The following MYH11 variants were observed in gnomAD, a reference collection of about 807,000 sequenced individuals.
MYH11 encodes myosin-11.
A neutral mutation model predicts 246.6 loss-of-function variants in MYH11; 80 were observed. That is an observed-to-expected ratio of 0.32 (90% CI 0.27 to 0.39). The LOEUF is 0.39. Ranked by LOEUF, MYH11 falls within the 10% of genes least tolerant of loss-of-function variation. The pLI is 1.00. For missense variants in MYH11, 2,158 were observed against 2,546.8 expected (o/e 0.85, Z 3.29); for synonymous variants, 1,071 against 1,015.5 (o/e 1.05, Z -1.04).
chr16:15,735,744 T>G (rs1230038820), intron 25 of MYH11, among the ~76,000 whole-genome samples, 166 bp from the exon 26 acceptor site: 1 of 152,180 alleles, frequency 6.6e-6, no homozygotes, highest in Non-Finnish European at 1.5e-5. Flanking sequence ...CTATATGAGA[T>G]TAACATAGGA....
intron 14 of MYH11, among the ~76,000 whole-genome samples, chr16:15,754,700 G>A (rs1479746563): frequency 6.6e-6 from 1 of 152,298 alleles, no homozygotes; most frequent in South Asian, 2.1e-4. Context: ...GTGGTTCTCT[G>A]TTGCCCAGTC....
At chr16:15,725,325 C>A in intron 28 of MYH11, 3 of 562,644 alleles carry the variant, frequency 5.3e-6, no homozygotes, top group South Asian at 4.4e-5. Context: ...TTGGTAGAGA[C>A]AAAGCAGCAG....
rs1277948896 is a variant in MYH11, at chr16:15,737,453, C to T, written c.3289G>A (p.Ala1097Thr). 5 of 1,612,282 alleles carry T rather than the reference C, an allele frequency of 3.1e-6. No homozygotes were observed. Among genetic ancestry groups the T allele is most frequent in the African/African-American group, 2.7e-5 (2 of 74,922 alleles). The change falls in exon 25 of 41, where the codon GCC (alanine) becomes ACC (threonine). Residue 1097 changes from alanine to threonine, a missense_variant. By Grantham distance (58) the Ala-to-Thr change is moderately conservative. This residue lies in a region of MYH11 where 284 missense variants were observed against 315.4 expected (regional missense o/e 0.90). Transcript: ENST00000300036. ...GCCCCTTGCCAGCCCCGCTACCTGG[C>T]CAGGGCCGCCTGCAGCTCCTCCTCC... is the stretch of plus-strand genomic sequence containing the variant. ...KKEEELQAAL[A>T]RLDDEIAQKN...
chr16:15,816,692 T>G (rs935476264), intron 3 of MYH11, among the ~76,000 whole-genome samples: 1 of 152,024 alleles, frequency 6.6e-6, no homozygotes, highest in Non-Finnish European at 1.5e-5. Flanking sequence ...AATTTCATCT[T>G]TCATGGAGGA....
At chr16:15,846,183 T>TGGGC (rs1394405035) in intron 1 of MYH11, among the ~76,000 whole-genome samples, 2 of 152,006 alleles carry the variant, frequency 1.3e-5, no homozygotes, top group South Asian at 2.1e-4. Flanking sequence ...ATAAGGTGGG[T>TGGGC]GGGCTTGTCA....
intron 5 of MYH11, among the ~76,000 whole-genome samples, chr16:15,784,174 G>A (rs1375264083): frequency 2.0e-5 from 3 of 152,078 alleles, no homozygotes; most frequent in African/African-American, 4.8e-5. Context: ...AGACAGACAC[G>A]CACTGCACAC....
rs111999078 is a variant in MYH11 at position 15,760,259 on chromosome 16, A to G, written c.1248+281T>C. Reference sequence around the variant, plus strand: ...CTGGATGGGTGATGGATGGACGGACAGATGGACAGATGGCTGGGTCATGGA... The same window carrying G: ...CTGGATGGGTGATGGATGGACGGACGGATGGACAGATGGCTGGGTCATGGA... On this transcript the variant is annotated intron_variant, in intron 11 of 40. Transcript: ENST00000300036. Among the ~76,000 whole-genome samples the G allele has an allele frequency of 3.4e-3, 521 of 152,208 alleles. 4 individuals carry two copies. The highest frequency in any genetic ancestry group is 0.017 in the Middle Eastern group (5 of 294).
At chr16:15,784,299 G>A (rs1156359831) in intron 5 of MYH11, among the ~76,000 whole-genome samples, 2 of 152,134 alleles carry the variant, frequency 1.3e-5, no homozygotes, top group African/African-American at 4.8e-5. Context: ...ACTGTCCATC[G>A]AGCCAGGGAA....
intron 20 of MYH11, among the ~76,000 whole-genome samples, chr16:15,743,637 C>T (rs980554829): frequency 6.6e-6 from 1 of 152,196 alleles, no homozygotes; most frequent in African/African-American, 2.4e-5. Context: ...TTGCTTCATG[C>T]ACTTATCACA....
chr16:15,812,291 C>T (rs182719844), intron 3 of MYH11, among the ~76,000 whole-genome samples: 7 of 152,200 alleles, frequency 4.6e-5, no homozygotes, highest in East Asian at 1.9e-4. Flanking sequence ...ATAGCTCTTG[C>T]GGCTAGCGTT....
At chr16:15,704,757 T>C (rs1046436923) in intron 40 of MYH11, among the ~76,000 whole-genome samples, 4 of 152,232 alleles carry the variant, frequency 2.6e-5, no homozygotes, top group Non-Finnish European at 4.4e-5. Context: ...TGCATCTGTT[T>C]TGCTGATCGT....
chr16:15,735,854 C>T (rs2041103124), intron 25 of MYH11, among the ~76,000 whole-genome samples: 1 of 152,256 alleles, frequency 6.6e-6, no homozygotes, highest in South Asian at 2.1e-4. Context: ...GAATGCAAAG[C>T]ATTGACCCCA....
chr16:15,747,147 AG>A (rs1442933283), intron 19 of MYH11, among the ~76,000 whole-genome samples: 1 of 151,980 alleles, frequency 6.6e-6, no homozygotes, highest in Non-Finnish European at 1.5e-5. Context: ...GGAAGGAGTG[AG>A]GGAGGGAGGT....
At chr16:15,804,874 C>T (rs1053137066) in intron 3 of MYH11, among the ~76,000 whole-genome samples, 5 of 152,144 alleles carry the variant, frequency 3.3e-5, no homozygotes, top group Admixed American at 2.0e-4. Context: ...TCACATTGTA[C>T]GGATGGATCA....
Position 15,725,006 on chromosome 16 carries a change from G to A in MYH11, c.3859-14C>T, listed in dbSNP as rs763714252. ...CTCAACTTCATTCTAAGGGTGCCAA[G>A]AGACTGGTTAGTCAAAGCCTCTAGA... On this transcript the variant is annotated splice_polypyrimidine_tract_variant and intron_variant, in intron 28 of 40. Transcript: ENST00000300036. The A allele has an allele frequency of 1.2e-6, 2 of 1,611,902 alleles. No homozygotes were observed. The highest frequency in any genetic ancestry group is 1.7e-6 in the Non-Finnish European group (2 of 1,178,582).
intron 2 of MYH11, among the ~76,000 whole-genome samples, chr16:15,828,577 G>C (rs1197891249): frequency 6.6e-6 from 1 of 152,190 alleles, no homozygotes; most frequent in Non-Finnish European, 1.5e-5. Flanking sequence ...CAGATCACTT[G>C]AGGTCAGGAG....
intron 7 of MYH11, 89 bp downstream of exon 7, chr16:15,778,691 G>T: frequency 3.2e-6 from 4 of 1,237,446 alleles, no homozygotes; most frequent in Non-Finnish European, 4.8e-6. Context: ...TGGAAAGATA[G>T]AGGTGGCTCT....
chr16:15,837,958 C>G lies in MYH11; in HGVS notation c.295G>C (p.Ala99Pro), dbSNP rs1245092974. 1 of 1,614,038 alleles carries G rather than the reference C, an allele frequency of 6.2e-7. No homozygotes were observed. The highest frequency in any genetic ancestry group is 1.3e-5 in the African/African-American group (1 of 74,924). ...DMAELTCLNE[A>P]SVLHNLRERY... ...TCCCTCAGGTTGTGTAGCACGGAGG[C>G]TTCGTTGAGGCACGTCAGCTCCGCC... Residue 99 changes from alanine (A) to proline (P), a missense_variant, in exon 2 of 41, where the codon GCC becomes CCC. By Grantham distance (27) the Ala-to-Pro change is conservative. Coordinates refer to ENST00000300036, the MANE Select transcript of MYH11 (RefSeq NM_002474.3).
At chr16:15,769,271 G>A (rs529613505) in intron 9 of MYH11, among the ~76,000 whole-genome samples, 161 of 152,318 alleles carry the variant, frequency 1.1e-3, no homozygotes, top group East Asian at 4.1e-3. Flanking sequence ...AGCCGAGGTC[G>A]TGCCACTGCA....
Sources: allele counts gnomAD v4.1 joint callset (sites outside exome capture counted in the v4.1 genomes callset), GRCh38; gene constraint gnomAD v4.1.1; regional missense constraint gnomAD v4.1.1; transcripts MANE v1.5; gene names NCBI Gene and HGNC (gene_info 2026-07-23, HGNC 2026-07-21).